Variants in INSL6 observed in about 807,000 individuals in gnomAD.
INSL6 encodes the protein insulin-like peptide INSL6.
In INSL6, 16 loss-of-function variants were observed where a neutral mutation model predicts 9.4. That is an observed-to-expected ratio of 1.70 (90% CI 1.15 to 2.59). The LOEUF (loss-of-function observed/expected upper bound fraction) is 2.59, where lower values mean the gene tolerates loss of function less well. Ranked by LOEUF, INSL6 falls within the 30% of genes most tolerant of loss-of-function variation. The pLI, the probability that INSL6 is intolerant of heterozygous loss-of-function variation, is 0.00. For synonymous variants in INSL6, 154 were observed against 96.9 expected, an observed-to-expected ratio of 1.59 and a Z score of -3.46; for missense variants, 391 against 257.3, an observed-to-expected ratio of 1.52 and a Z score of -3.56.
At chr9:5,020,175 G>A in the INSL6 span, among the ~76,000 whole-genome samples, 3 of 152,168 alleles carry the variant, frequency 2.0e-5, no homozygotes, top group African/African-American at 7.2e-5. Flanking sequence ...CGGCAGTGAC[G>A]GCGATTGGCT....
chr9:5,112,856 C>G, the INSL6 span: 1 of 473,472 alleles, frequency 2.1e-6, no homozygotes, highest in Non-Finnish European at 3.4e-6. Context: ...GTGAAAGGTA[C>G]GCCTCCGTGG....
chr9:5,112,863 G>A, the INSL6 span: 7 of 461,420 alleles, frequency 1.5e-5, no homozygotes, highest in East Asian at 1.9e-4. Context: ...GTACGCCTCC[G>A]TGGGACGAGC....
At chr9:5,176,351 T>G (rs1032235841) in intron 1 of INSL6, among the ~76,000 whole-genome samples, 1 of 152,206 alleles carries the variant, frequency 6.6e-6, no homozygotes, top group African/African-American at 2.4e-5. Flanking sequence ...TTATCCTGTT[T>G]CATTTTTCAT....
chr9:5,148,774 G>C (rs1824652272), intron 2 of INSL6, among the ~76,000 whole-genome samples: 1 of 152,210 alleles, frequency 6.6e-6, no homozygotes, highest in Non-Finnish European at 1.5e-5. Flanking sequence ...TTGGGGTTGG[G>C]TTCCTGGTGT....
chr9:5,024,850 GT>G, the INSL6 span, among the ~76,000 whole-genome samples: 2 of 152,166 alleles, frequency 1.3e-5, no homozygotes, highest in Non-Finnish European at 2.9e-5. Context: ...GAGAAAAACA[GT>G]TTTTTGAGAT....
the INSL6 span, chr9:5,100,103 C>T: frequency 6.6e-6 from 1 of 152,322 alleles, no homozygotes; most frequent in African/African-American, 2.4e-5. Flanking sequence ...GTACTATTAG[C>T]TATTAGTTTT....
the INSL6 span, chr9:5,081,635 C>A: frequency 1.2e-6 from 1 of 843,416 alleles, no homozygotes; most frequent in Admixed American, 2.3e-5. Flanking sequence ...TTTTAACTCA[C>A]GATTATTTTG....
intron 1 of INSL6, among the ~76,000 whole-genome samples, chr9:5,165,712 A>G (rs1398140951): frequency 1.3e-5 from 2 of 152,186 alleles, no homozygotes; most frequent in Non-Finnish European, 2.9e-5. Flanking sequence ...TCTAGGTACA[A>G]TGAACTGATT....
chr9:5,033,343 T>C, the INSL6 span, among the ~76,000 whole-genome samples: 6 of 152,162 alleles, frequency 3.9e-5, no homozygotes, highest in African/African-American at 1.2e-4. Context: ...AGAACTTCCC[T>C]AATCTAGCGA....
chr9:5,077,426 A>G, the INSL6 span: 1 of 836,730 alleles, frequency 1.2e-6, no homozygotes, highest in East Asian at 3.4e-5. Flanking sequence ...CTTAAGCCTT[A>G]TTATTATTAC....
the INSL6 span, among the ~76,000 whole-genome samples, chr9:5,076,195 C>G: frequency 1.3e-5 from 2 of 152,112 alleles, no homozygotes; most frequent in African/African-American, 4.8e-5. Context: ...TGTGAAATGA[C>G]AACAAAGGGT....
In INSL6 at chr9:5,165,275, T is replaced by C. The variant is rs1324662111; in HGVS notation, c.290-1010A>G. 1.3e-5 allele frequency among the ~76,000 whole-genome samples: 2 copies of C among 152,224 alleles called. 1 individual carries two copies. Among genetic ancestry groups the C allele is most frequent in the South Asian group, 4.1e-4 (2 of 4,828 alleles). ...ACACACAAGTTTTTGTGTGAACATA[T>C]GTTTTGAATTCTTTGGGATGTAACC... On this transcript the variant is annotated intron_variant, in intron 1 of 1. Transcript: ENST00000381641.
chr9:5,012,268 TG>T, the INSL6 span, among the ~76,000 whole-genome samples: 4 of 152,220 alleles, frequency 2.6e-5, no homozygotes, highest in African/African-American at 9.6e-5. Flanking sequence ...AGAGTAAGTA[TG>T]GGCCTCATTC....
chr9:5,184,404 T>TA (rs1825522369), intron 1 of INSL6, among the ~76,000 whole-genome samples: 2 of 152,222 alleles, frequency 1.3e-5, no homozygotes, highest in South Asian at 4.1e-4. Context: ...TAAAATGTCT[T>TA]AGTCACAAAA....
At chr9:5,184,640 T>C (rs1273093299) in intron 1 of INSL6, among the ~76,000 whole-genome samples, 2 of 152,202 alleles carry the variant, frequency 1.3e-5, no homozygotes, top group African/African-American at 4.8e-5. Flanking sequence ...CACACAGGCC[T>C]TGCATTTGGT....
chr9:5,069,975 A>C, the INSL6 span: 6 of 1,608,144 alleles, frequency 3.7e-6, no homozygotes, highest in Non-Finnish European at 5.1e-6. Context: ...TGATGTACCA[A>C]CCTCACCAAC....
At chr9:5,160,954 C>G (rs1380867142), downstream of INSL6, among the ~76,000 whole-genome samples, 1 of 152,134 alleles carries the variant, frequency 6.6e-6, no homozygotes, top group Non-Finnish European at 1.5e-5. Context: ...AATAAAAACT[C>G]TCCAAGCAAA....
chr9:5,019,942 G>T, the INSL6 span, among the ~76,000 whole-genome samples: 1 of 152,178 alleles, frequency 6.6e-6, no homozygotes, highest in Non-Finnish European at 1.5e-5. Flanking sequence ...GGACAACCAT[G>T]CCTGTACATT....
At chr9:5,125,551 C>T (rs1464558433) in intron 3 of INSL6, among the ~76,000 whole-genome samples, 1 of 151,428 alleles carries the variant, frequency 6.6e-6, no homozygotes, top group Non-Finnish European at 1.5e-5. Context: ...AAGTTATGAA[C>T]TATTTTAAAA....
Sources: allele counts gnomAD v4.1 joint callset (sites outside exome capture counted in the v4.1 genomes callset), GRCh38; gene constraint gnomAD v4.1.1; transcripts MANE v1.5; gene names NCBI Gene and HGNC (gene_info 2026-07-23, HGNC 2026-07-21).